Variants in RNF220 observed in about 807,000 individuals in gnomAD.
RNF220 encodes the protein ring finger protein 220, also known as E3 ubiquitin-protein ligase RNF220.
RNF220 carries 7 observed loss-of-function variants against 67.1 expected under a neutral mutation model. The observed-to-expected ratio is 0.10, with a 90% CI of 0.06 to 0.20. RNF220 has a LOEUF of 0.20. Among genes scored for constraint, RNF220 ranks in the 10% least tolerant of loss-of-function variants. The pLI is 1.00. For synonymous variants in RNF220, 270 were observed against 283.2 expected (o/e 0.95, Z 0.47); for missense variants, 565 against 740.3 (o/e 0.76, Z 2.75).
At position 44,650,682 on chromosome 1, in the gene RNF220, G is replaced by C; in HGVS notation, c.1630-22G>C. The C allele has an allele frequency of 6.2e-7, 1 of 1,613,318 alleles. No homozygotes were observed. Among genetic ancestry groups the C allele is most frequent in the Non-Finnish European group, 8.5e-7 (1 of 1,179,552 alleles). ...CACATGGCTCATTGTGTAGACCAGA[G>C]CCCTCCCTGTTCTCCCTGCAGGGTG... On this transcript the variant is annotated intron_variant, in intron 14 of 14. Transcript: ENST00000361799. The surrounding 1 kb of genome is among the most constrained non-coding windows in gnomAD (Gnocchi z 4.3).
At chr1:44,540,204 T>A (rs945162041) in intron 2 of RNF220, among the ~76,000 whole-genome samples, 3 of 152,144 alleles carry the variant, frequency 2.0e-5, no homozygotes, top group East Asian at 3.8e-4. Flanking sequence ...TGCCCACATC[T>A]CTTCCCCAGG....
intron 2 of RNF220, among the ~76,000 whole-genome samples, chr1:44,415,849 C>T (rs989214116): frequency 3.3e-5 from 5 of 152,196 alleles, no homozygotes; most frequent in African/African-American, 1.2e-4. Flanking sequence ...TCACACACTA[C>T]ATCAATCTGC....
At chr1:44,422,730 G>A (rs1203701126) in intron 2 of RNF220, among the ~76,000 whole-genome samples, 1 of 152,156 alleles carries the variant, frequency 6.6e-6, no homozygotes, top group Non-Finnish European at 1.5e-5. Context: ...CTGTAGTATT[G>A]AATCCATCTT....
intron 2 of RNF220, among the ~76,000 whole-genome samples, chr1:44,479,652 A>G (rs1451730939): frequency 6.6e-6 from 1 of 152,194 alleles, no homozygotes; most frequent in Non-Finnish European, 1.5e-5. Flanking sequence ...TGGAAACAGT[A>G]TCGTTCTTGC....
At chr1:44,411,104 A>C (rs969512970) in intron 1 of RNF220, among the ~76,000 whole-genome samples, 2 of 152,236 alleles carry the variant, frequency 1.3e-5, no homozygotes, top group Non-Finnish European at 2.9e-5. Context: ...AAGGCAGTTT[A>C]CAAATCTACT....
intron 2 of RNF220, among the ~76,000 whole-genome samples, chr1:44,509,912 G>A (rs1658830869): frequency 2.3e-5 from 3 of 131,844 alleles, no homozygotes; most frequent in South Asian, 2.4e-4. Flanking sequence ...AAAAAGGAAG[G>A]AAGGAAAGAA....
At chr1:44,414,437 A>G (rs1648317101) in intron 2 of RNF220, among the ~76,000 whole-genome samples, 1 of 152,330 alleles carries the variant, frequency 6.6e-6, no homozygotes. Context: ...CTTACCTAAC[A>G]GATCCAGCTT....
At chr1:44,512,161 G>A (rs1659067088) in intron 2 of RNF220, among the ~76,000 whole-genome samples, 1 of 152,128 alleles carries the variant, frequency 6.6e-6, no homozygotes, top group Admixed American at 6.5e-5. Flanking sequence ...GACACTCTCT[G>A]GATGAACAGA....
chr1:44,586,330 A>G (rs1350550135), intron 2 of RNF220, among the ~76,000 whole-genome samples: 1 of 152,162 alleles, frequency 6.6e-6, no homozygotes, highest in East Asian at 1.9e-4. Flanking sequence ...GACGTTCAAG[A>G]GGGTAAAAAG....
intron 2 of RNF220, among the ~76,000 whole-genome samples, chr1:44,517,081 G>A (rs1659511083): frequency 6.6e-6 from 1 of 152,046 alleles, no homozygotes; most frequent in Admixed American, 6.6e-5. Context: ...TATCTCAAAT[G>A]CATTCCCTTC....
chr1:44,629,428 C>T (rs1313251629), intron 5 of RNF220, among the ~76,000 whole-genome samples: 1 of 152,220 alleles, frequency 6.6e-6, no homozygotes, highest in Admixed American at 6.5e-5. Context: ...TTCCTTTACT[C>T]AAACATTTAT....
chr1:44,569,863 G>A (rs1664307297), intron 2 of RNF220, among the ~76,000 whole-genome samples: 1 of 152,312 alleles, frequency 6.6e-6, no homozygotes, highest in Non-Finnish European at 1.5e-5. Context: ...TACCCGCATC[G>A]TCCTGGGCCC....
intron 2 of RNF220, among the ~76,000 whole-genome samples, chr1:44,563,093 T>A (rs1053371169): frequency 6.6e-6 from 1 of 152,230 alleles, no homozygotes; most frequent in African/African-American, 2.4e-5. Context: ...GATGCACTTA[T>A]GAGGCCAAGG....
chr1:44,505,827 C>G (rs1017273476), intron 2 of RNF220, among the ~76,000 whole-genome samples: 2 of 152,086 alleles, frequency 1.3e-5, no homozygotes, highest in Non-Finnish European at 2.9e-5. Flanking sequence ...TGGCGCACTG[C>G]TGGGTTTTTC....
Position 44,650,289 on chromosome 1 carries a change from C to T in RNF220, c.1629+332C>T, listed in dbSNP as rs1644757078. The T allele has an allele frequency of 2.0e-6, 1 of 502,474 alleles. No individual in the cohort carries two copies. The highest frequency in any genetic ancestry group is 3.6e-6 in the Non-Finnish European group (1 of 279,226). 31.1% of individuals were successfully genotyped at this position (502,474 alleles called of 1,614,324 possible). ...GGTAAACAGGACCAGGGCCTTGGCC[C>T]CTCCCCCTCCCATTACTAAGCTCCT... On this transcript the variant is annotated intron_variant, in intron 14 of 14. Coordinates refer to ENST00000361799, the MANE Select transcript of RNF220 (RefSeq NM_018150.4). The surrounding 1 kb of genome is among the most constrained non-coding windows in gnomAD (Gnocchi z 4.3).
At chr1:44,500,733 C>G (rs553706571) in intron 2 of RNF220, among the ~76,000 whole-genome samples, 1 of 152,338 alleles carries the variant, frequency 6.6e-6, no homozygotes, top group South Asian at 2.1e-4. Flanking sequence ...GGGCATCCCC[C>G]TCCCCAGAGC....
chr1:44,537,924 A>G (rs535249580), intron 2 of RNF220, among the ~76,000 whole-genome samples: 5 of 152,366 alleles, frequency 3.3e-5, no homozygotes, highest in South Asian at 4.1e-4. Flanking sequence ...TCTTCTTCCC[A>G]TGAACCTTCT....
rs1663895890 is a variant in RNF220 at position 44,565,102 on chromosome 1, T to C, written c.626-49063T>C. 6.6e-6 allele frequency among the ~76,000 whole-genome samples: 1 copy of C among 152,246 alleles called. No individual in the cohort carries two copies. The highest frequency in any genetic ancestry group is 2.1e-4 in the South Asian group (1 of 4,836). On this transcript the variant is annotated intron_variant, in intron 2 of 14. Transcript: ENST00000361799. This position sits in a 1 kb window ranked among gnomAD's most constrained non-coding sequence, Gnocchi z 4.2. ...ATAGCATGGGCCTGGCCTTAGGACA[T>C]GCTTGGTCAGCACTCCGTGAATAAA...
In RNF220 at chr1:44,412,659, G is replaced by A. The variant is rs1031282481; in HGVS notation, c.562G>A (p.Ala188Thr). The A allele has an allele frequency of 6.2e-7, 1 of 1,614,148 alleles. No individual in the cohort carries two copies. The highest frequency in any genetic ancestry group is 8.5e-7 in the Non-Finnish European group (1 of 1,180,028). Residue 188 changes from alanine to threonine, a missense_variant, in exon 2 of 15, where the codon GCT becomes ACT. Physicochemically the swap from Ala to Thr is moderately conservative, Grantham distance 58 (BLOSUM62 0). Coordinates refer to ENST00000361799, the MANE Select transcript of RNF220 (RefSeq NM_018150.4). This position sits in a 1 kb window ranked among gnomAD's most constrained non-coding sequence, Gnocchi z 5.3. ...TGATGACACTGGGAAGAAGATTTTTGCTGTCTCTGGCCTCATTTCTGATCG... is the reference window on the plus strand; with the variant it reads ...TGATGACACTGGGAAGAAGATTTTTACTGTCTCTGGCCTCATTTCTGATCG... ...KVDDTGKKIF[A>T]VSGLISDREA...
Sources: allele counts gnomAD v4.1 joint callset (sites outside exome capture counted in the v4.1 genomes callset), GRCh38; gene constraint gnomAD v4.1.1; non-coding constraint Gnocchi (gnomAD v3.1); transcripts MANE v1.5; gene names NCBI Gene and HGNC (gene_info 2026-07-23, HGNC 2026-07-21).